The following FANCC variants were observed in gnomAD, a reference collection of about 807,000 sequenced individuals.
The protein encoded by FANCC is FA complementation group C, also known as Fanconi anemia group C protein.
In FANCC, 55 loss-of-function variants were observed where a neutral mutation model predicts 71.3. The ratio of observed to expected loss-of-function variants is 0.77; its 90% CI spans 0.62 to 0.97. FANCC has a LOEUF of 0.97. Ranked by LOEUF, FANCC falls within the 50% of genes least tolerant of loss-of-function variation. The pLI is 0.00. For missense variants in FANCC, 678 were observed against 670.9 expected (o/e 1.01, Z -0.12); for synonymous variants, 275 against 244.9 (o/e 1.12, Z -1.15).
intron 3 of FANCC, among the ~76,000 whole-genome samples, chr9:95,244,664 G>C (rs1393498933): frequency 1.1e-5 from 1 of 89,994 alleles, no homozygotes; most frequent in Non-Finnish European, 2.0e-5. Context: ...AGGCAACAGA[G>C]CAAGACTTTG....
chr9:95,102,443 G>T lies in FANCC; in HGVS notation c.1534-593C>A, dbSNP rs73654529. 3.2e-3 allele frequency among the ~76,000 whole-genome samples: 491 copies of T among 152,164 alleles called. 2 individuals are homozygous for T. The highest frequency in any genetic ancestry group is 0.011 in the African/African-American group (477 of 41,512). On this transcript the variant is annotated intron_variant, in intron 14 of 14. Coordinates refer to ENST00000289081, the MANE Select transcript of FANCC (RefSeq NM_000136.3). ...CTGTAAGTATTTTCCTAAAAACTTC[G>T]GTTAAGAAAAAAGGGAAGGGTGAGA...
At chr9:95,124,888 T>C (rs1825735821) in intron 10 of FANCC, among the ~76,000 whole-genome samples, 198 bp downstream of exon 10, 1 of 152,180 alleles carries the variant, frequency 6.6e-6, no homozygotes, top group Non-Finnish European at 1.5e-5. Context: ...CTTCTGGGTA[T>C]CAGGGCACGG....
chr9:95,114,272 C>G, intron 12 of FANCC: 1 of 355,572 alleles, frequency 2.8e-6, no homozygotes, highest in Non-Finnish European at 5.5e-6. Flanking sequence ...GTGCCCTTTC[C>G]CTTCTGTGCG....
chr9:95,291,967 A>ATAT (rs1554869938), intron 1 of FANCC, among the ~76,000 whole-genome samples: 552 of 50,302 alleles, frequency 0.011, no homozygotes, highest in East Asian at 0.021. Flanking sequence ...AAAAAAAAAA[A>ATAT]ATATATATAT....
At chr9:95,190,416 C>T (rs1827016052) in intron 4 of FANCC, among the ~76,000 whole-genome samples, 1 of 152,234 alleles carries the variant, frequency 6.6e-6, no homozygotes, top group Non-Finnish European at 1.5e-5. Context: ...CTCCTCATCT[C>T]TGTGTTCTGC....
intron 1 of FANCC, among the ~76,000 whole-genome samples, chr9:95,311,709 C>CTTTGTGTGTGTG (rs147036059): frequency 6.9e-5 from 10 of 144,494 alleles, no homozygotes; most frequent in African/African-American, 2.6e-4. Flanking sequence ...TCCTCTGAAT[C>CTTTGTGTGTGTG]TGTGTGTGTG....
chr9:95,294,377 A>G, intron 1 of FANCC: 3 of 1,596,266 alleles, frequency 1.9e-6, no homozygotes, highest in East Asian at 4.5e-5. Context: ...TTACTCGCAG[A>G]TACCTCTGCT....
intron 4 of FANCC, among the ~76,000 whole-genome samples, chr9:95,230,471 C>A (rs149463202): frequency 1.4e-3 from 210 of 152,258 alleles, no homozygotes; most frequent in African/African-American, 4.8e-3. Context: ...TGTGGGTTCT[C>A]GGTCTCGCTG....
At chr9:95,125,592 T>C (rs780332573) in intron 9 of FANCC, among the ~76,000 whole-genome samples, 19 of 152,232 alleles carry the variant, frequency 1.2e-4, no homozygotes, top group Admixed American at 3.3e-4. Flanking sequence ...AATGTGTGTG[T>C]ACCTGGTTTC....
chr9:95,205,734 A>G (rs1828082700), intron 4 of FANCC, among the ~76,000 whole-genome samples: 1 of 152,158 alleles, frequency 6.6e-6, no homozygotes, highest in African/African-American at 2.4e-5. Context: ...TCTTTTATCA[A>G]TATTCATTAA....
chr9:95,196,968 T>C (rs1298939269), intron 4 of FANCC, among the ~76,000 whole-genome samples: 3 of 152,174 alleles, frequency 2.0e-5, no homozygotes, highest in Non-Finnish European at 2.9e-5. Context: ...TGAGAACATA[T>C]TTACTATATC....
chr9:95,302,366 G>A (rs1834801472), intron 1 of FANCC, among the ~76,000 whole-genome samples: 1 of 152,148 alleles, frequency 6.6e-6, no homozygotes, highest in African/African-American at 2.4e-5. Context: ...GGCAAATGAT[G>A]TGAAATTTCT....
chr9:95,110,844 C>T (rs2071858988), intron 13 of FANCC: 1 of 1,169,260 alleles, frequency 8.6e-7, no homozygotes, highest in Non-Finnish European at 1.1e-6. Context: ...TATTATATTC[C>T]ACATAAAATA....
chr9:95,128,221 T>C (rs574792955), intron 8 of FANCC, among the ~76,000 whole-genome samples: 4 of 152,176 alleles, frequency 2.6e-5, no homozygotes, highest in Non-Finnish European at 5.9e-5. Flanking sequence ...GTATTCATAA[T>C]GAAAAAATAA....
intron 6 of FANCC, among the ~76,000 whole-genome samples, chr9:95,165,541 T>G (rs1435171777): frequency 2.0e-5 from 3 of 152,086 alleles, no homozygotes; most frequent in Non-Finnish European, 4.4e-5. Context: ...ATTTGTTCTT[T>G]GACTCACTGG....
At chr9:95,221,000 G>A (rs1829221650) in intron 4 of FANCC, among the ~76,000 whole-genome samples, 1 of 152,090 alleles carries the variant, frequency 6.6e-6, no homozygotes, top group Non-Finnish European at 1.5e-5. Context: ...GGGAGGCTGA[G>A]GCGGGCAGAT....
At chr9:95,114,478 C>A (rs2072229804) in intron 12 of FANCC, 151 bp downstream of exon 12, 1 of 774,100 alleles carries the variant, frequency 1.3e-6, no homozygotes, top group East Asian at 2.5e-5. Flanking sequence ...CCATGCGCTT[C>A]CTCCACTTCT....
intron 4 of FANCC, among the ~76,000 whole-genome samples, chr9:95,199,423 C>G (rs1171354959): frequency 6.6e-6 from 1 of 152,122 alleles, no homozygotes; most frequent in Non-Finnish European, 1.5e-5. Context: ...TCCTACATCC[C>G]CTTCCCTCTC....
intron 8 of FANCC, among the ~76,000 whole-genome samples, chr9:95,134,822 G>C (rs1209821629): frequency 6.6e-6 from 1 of 152,196 alleles, no homozygotes; most frequent in Non-Finnish European, 1.5e-5. Context: ...TCCTGAGCGG[G>C]AAGGGAGCCA....
Sources: gnomAD v4.1 joint callset for allele counts (sites outside exome capture counted in the v4.1 genomes callset) on GRCh38, gnomAD v4.1.1 for gene constraint, MANE v1.5 for transcripts, NCBI Gene and HGNC (gene_info 2026-07-23, HGNC 2026-07-21) for gene names.